FBXO16: variants seen among roughly 807,000 people sequenced by gnomAD.
FBXO16 encodes F-box protein 16, also known as F-box only protein 16.
FBXO16 carries 31 observed loss-of-function variants against 41.0 expected under a neutral mutation model. That is an observed-to-expected ratio of 0.76 (90% CI 0.57 to 1.02). The LOEUF is 1.02. Among genes scored for constraint, FBXO16 ranks in the 50% least tolerant of loss-of-function variants. FBXO16 has a pLI of 0.00. For missense variants in FBXO16, 361 were observed against 346.2 expected (o/e 1.04, Z -0.34); for synonymous variants, 133 against 117.8 (o/e 1.13, Z -0.84).
rs7814630 is a variant in FBXO16 at position 28,428,626 on chromosome 8, C to T, written c.*101G>A. On this transcript the variant is annotated 3_prime_UTR_variant, in exon 9 of 9. Transcript: ENST00000380254. Reference sequence around the variant, plus strand: ...GGGGCCCAGGGTGCCTGTGAGGATGCTGCATGAGAATTTCAGCTGTGGTGG... The same window carrying T: ...GGGGCCCAGGGTGCCTGTGAGGATGTTGCATGAGAATTTCAGCTGTGGTGG... The T allele has an allele frequency of 5.8e-3, 9,003 of 1,552,966 alleles. 226 individuals carry two copies. In the African/African-American group the frequency reaches 0.071, roughly 12 times the overall value.
chr8:28,474,668 G>GT (rs1342984271), intron 2 of FBXO16, among the ~76,000 whole-genome samples: 3 of 152,196 alleles, frequency 2.0e-5, no homozygotes, highest in African/African-American at 7.2e-5. Context: ...TTAGAAATGT[G>GT]TGTGTGTGCA....
intron 5 of FBXO16, chr8:28,456,556 T>C: frequency 5.7e-6 from 3 of 524,398 alleles, no homozygotes; most frequent in Non-Finnish European, 1.0e-5. Context: ...GATGCAACTG[T>C]GGTTTGGGAG....
At chr8:28,452,841 A>C (rs1802977411) in intron 5 of FBXO16, among the ~76,000 whole-genome samples, 4 of 152,028 alleles carry the variant, frequency 2.6e-5, no homozygotes, top group African/African-American at 7.2e-5. Context: ...CAAAAAAACC[A>C]CACACTATAA....
chr8:28,440,782 T>C (rs145120647), intron 7 of FBXO16, among the ~76,000 whole-genome samples: 6 of 152,292 alleles, frequency 3.9e-5, no homozygotes, highest in African/African-American at 9.6e-5. Context: ...AAGTGAATGC[T>C]CTGAAACGGC....
At chr8:28,476,353 T>C (rs1803422914) in intron 2 of FBXO16, among the ~76,000 whole-genome samples, 1 of 152,136 alleles carries the variant, frequency 6.6e-6, no homozygotes, top group African/African-American at 2.4e-5. Flanking sequence ...GGAAAGACAC[T>C]AGACTGAAAG....
chr8:28,467,138 A>C (rs556652930), intron 3 of FBXO16, among the ~76,000 whole-genome samples: 1 of 152,122 alleles, frequency 6.6e-6, no homozygotes, highest in South Asian at 2.1e-4. Context: ...GTGCTATGTG[A>C]GTCTGGTGGG....
chr8:28,439,833 C>A (rs1301794759), intron 7 of FBXO16, among the ~76,000 whole-genome samples: 1 of 142,762 alleles, frequency 7.0e-6, no homozygotes, highest in Non-Finnish European at 1.5e-5. Context: ...TCAAAGATTG[C>A]CTGCAAGGAA....
intron 3 of FBXO16, among the ~76,000 whole-genome samples, chr8:28,468,848 GAA>G (rs60077275): frequency 3.2e-4 from 43 of 132,966 alleles, no homozygotes; most frequent in East Asian, 6.2e-4. Context: ...ACTCCATCTT[GAA>G]AAAAAAAAAA....
intron 4 of FBXO16, among the ~76,000 whole-genome samples, chr8:28,463,245 C>T (rs927871178): frequency 4.2e-5 from 6 of 144,158 alleles, no homozygotes; most frequent in Non-Finnish European, 6.0e-5. Flanking sequence ...TTTGTGTACA[C>T]GTTTGTGTGT....
At chr8:28,460,970 A>G (rs1260558196) in intron 4 of FBXO16, among the ~76,000 whole-genome samples, 1 of 152,058 alleles carries the variant, frequency 6.6e-6, no homozygotes, top group Non-Finnish European at 1.5e-5. Flanking sequence ...TCTTGGCCTC[A>G]AGCAATTGCC....
intron 7 of FBXO16, among the ~76,000 whole-genome samples, chr8:28,434,423 CAAT>C (rs1183576065): frequency 2.0e-5 from 3 of 152,188 alleles, no homozygotes; most frequent in African/African-American, 4.8e-5. Flanking sequence ...ATAGTAACAA[CAAT>C]GACAGCACCT....
chr8:28,473,878 C>A (rs1255032780), intron 2 of FBXO16, 71 bp from the exon 3 acceptor site: 4 of 1,121,584 alleles, frequency 3.6e-6, no homozygotes, highest in East Asian at 2.4e-5. Flanking sequence ...AAGAAAGATA[C>A]CATTAAGGGA....
chr8:28,452,528 C>G, intron 5 of FBXO16, 52 bp from the exon 6 acceptor site: 1 of 1,554,366 alleles, frequency 6.4e-7, no homozygotes, highest in East Asian at 2.3e-5. Flanking sequence ...ACGCTGGGTG[C>G]GGTGGCTCAC....
intron 6 of FBXO16, among the ~76,000 whole-genome samples, chr8:28,451,390 T>G (rs55691562): frequency 0.32 from 47,575 of 149,970 alleles, 8,525 homozygotes; most frequent in East Asian, 0.55. Flanking sequence ...GTTTTTTTTT[T>G]TTTTGTTTTT....
intron 7 of FBXO16, among the ~76,000 whole-genome samples, chr8:28,440,466 G>T: frequency 6.6e-6 from 1 of 152,160 alleles, no homozygotes; most frequent in East Asian, 1.9e-4. Context: ...TAGTGGTACA[G>T]TTGAAACTAG....
At chr8:28,455,157 C>A (rs896826748) in intron 5 of FBXO16, among the ~76,000 whole-genome samples, 1 of 151,700 alleles carries the variant, frequency 6.6e-6, no homozygotes, top group Non-Finnish European at 1.5e-5. Flanking sequence ...CTCACTGCAA[C>A]CTCCACCTCC....
intron 2 of FBXO16, among the ~76,000 whole-genome samples, chr8:28,482,388 C>T (rs1044869990): frequency 6.6e-6 from 1 of 152,044 alleles, no homozygotes; most frequent in African/African-American, 2.4e-5. Flanking sequence ...TCCTTGCATA[C>T]AGCGATTGGT....
chr8:28,444,463 C>G (rs1022791609), intron 7 of FBXO16, among the ~76,000 whole-genome samples: 4 of 149,026 alleles, frequency 2.7e-5, no homozygotes, highest in Non-Finnish European at 5.9e-5. Context: ...CCAACATGCC[C>G]GGCTAATTTT....
intron 7 of FBXO16, among the ~76,000 whole-genome samples, chr8:28,431,070 A>T (rs1024002453): frequency 6.6e-6 from 1 of 152,208 alleles, no homozygotes; most frequent in African/African-American, 2.4e-5. Flanking sequence ...CTCACCTGTA[A>T]CAGTTTCAAA....
Sources: allele counts gnomAD v4.1 joint callset (sites outside exome capture counted in the v4.1 genomes callset), GRCh38; gene constraint gnomAD v4.1.1; transcripts MANE v1.5; gene names NCBI Gene and HGNC (gene_info 2026-07-23, HGNC 2026-07-21).